CNTN5: variants seen among roughly 807,000 people sequenced by gnomAD.
The protein encoded by CNTN5 is contactin-5.
CNTN5 carries 77 observed loss-of-function variants against 129.1 expected under a neutral mutation model. That is an observed-to-expected ratio of 0.60 (90% CI 0.50 to 0.72). The LOEUF (loss-of-function observed/expected upper bound fraction) is 0.72. Among genes scored for constraint, CNTN5 ranks in the 30% least tolerant of loss-of-function variants. The pLI is 0.00. For synonymous variants in CNTN5, 509 were observed against 465.6 expected, an observed-to-expected ratio of 1.09 and a Z score of -1.20; for missense variants, 1,478 against 1,328.8, an observed-to-expected ratio of 1.11 and a Z score of -1.75.
At chr11:99,598,462 T>C (rs185476513) in intron 3 of CNTN5, among the ~76,000 whole-genome samples, 59 of 133,666 alleles carry the variant, frequency 4.4e-4, no homozygotes, top group African/African-American at 1.6e-3. Context: ...TCCTTCCTTT[T>C]TCCCTTCCTT....
chr11:100,159,912 T>C (rs1003001657), intron 13 of CNTN5, among the ~76,000 whole-genome samples: 7 of 151,918 alleles, frequency 4.6e-5, no homozygotes, highest in African/African-American at 1.7e-4. Context: ...TGCACTCACT[T>C]TATCACAACA....
intron 1 of CNTN5, among the ~76,000 whole-genome samples, chr11:99,277,682 G>C (rs1863504739): frequency 6.6e-6 from 1 of 151,580 alleles, no homozygotes; most frequent in South Asian, 2.1e-4. Context: ...TAGTCAAAGA[G>C]GAAATCCTGT....
At chr11:99,889,413 C>G (rs117585660) in intron 6 of CNTN5, among the ~76,000 whole-genome samples, 2,239 of 148,940 alleles carry the variant, frequency 0.015, 32 homozygotes, top group Non-Finnish European at 0.024. Context: ...AAGTAAAATA[C>G]AGTATTCTAT....
intron 1 of CNTN5, among the ~76,000 whole-genome samples, chr11:99,175,816 A>C (rs1432899622): frequency 6.6e-6 from 1 of 152,106 alleles, no homozygotes; most frequent in African/African-American, 2.4e-5. Flanking sequence ...GAGATAACCT[A>C]GGAGAACTGC....
At chr11:99,651,012 G>T (rs532662031) in intron 3 of CNTN5, among the ~76,000 whole-genome samples, 1 of 152,008 alleles carries the variant, frequency 6.6e-6, no homozygotes, top group South Asian at 2.1e-4. Context: ...AAGAGAAATT[G>T]TCTCATCGTT....
At chr11:99,300,292 C>G (rs963200794) in intron 1 of CNTN5, among the ~76,000 whole-genome samples, 7 of 151,960 alleles carry the variant, frequency 4.6e-5, no homozygotes, top group Non-Finnish European at 8.8e-5. Context: ...AAATACGTTT[C>G]TTCTCATGCC....
intron 21 of CNTN5, among the ~76,000 whole-genome samples, chr11:100,313,700 G>A (rs1159097911): frequency 6.6e-6 from 1 of 152,008 alleles, no homozygotes; most frequent in Non-Finnish European, 1.5e-5. Flanking sequence ...AAAATTTCAA[G>A]AGAAGAGGAG....
intron 8 of CNTN5, among the ~76,000 whole-genome samples, chr11:99,973,922 C>T (rs1018383971): frequency 1.4e-4 from 22 of 152,142 alleles, no homozygotes; most frequent in African/African-American, 5.3e-4. Context: ...CTCATATATT[C>T]AAATGAGTGT....
chr11:99,968,772 A>G (rs11222093), intron 8 of CNTN5, among the ~76,000 whole-genome samples: 24,967 of 146,750 alleles, frequency 0.17, 2,158 homozygotes, highest in Middle Eastern at 0.24. Context: ...ATCTTGGTTC[A>G]GAATTTTCAA....
At chr11:99,483,376 T>C (rs575484686) in intron 2 of CNTN5, among the ~76,000 whole-genome samples, 149 of 152,136 alleles carry the variant, frequency 9.8e-4, no homozygotes, top group Non-Finnish European at 1.8e-3. Flanking sequence ...GTGTCAACAA[T>C]GTGTTTACTG....
intron 3 of CNTN5, among the ~76,000 whole-genome samples, chr11:99,559,143 T>C (rs1235290915): frequency 6.6e-6 from 1 of 152,110 alleles, no homozygotes; most frequent in Non-Finnish European, 1.5e-5. Context: ...TGGTTATTGC[T>C]TTTAGCTGTA....
intron 1 of CNTN5, among the ~76,000 whole-genome samples, chr11:99,031,040 G>T (rs1376059287): frequency 1.3e-5 from 2 of 150,886 alleles, no homozygotes; most frequent in Non-Finnish European, 2.9e-5. Context: ...CTCGTGATCC[G>T]CCCGTCTCGG....
chr11:99,479,637 C>T (rs1945512895), intron 2 of CNTN5, among the ~76,000 whole-genome samples: 1 of 151,896 alleles, frequency 6.6e-6, no homozygotes, highest in African/African-American at 2.4e-5. Flanking sequence ...GCTAAAATAC[C>T]ACTTTTAATG....
chr11:99,269,492 T>A (rs181022211), intron 1 of CNTN5, among the ~76,000 whole-genome samples: 91 of 151,990 alleles, frequency 6.0e-4, no homozygotes, highest in African/African-American at 2.1e-3. Context: ...CCAGTTTTTA[T>A]TCTAAACAGG....
At chr11:99,127,773 A>T (rs564294239) in intron 1 of CNTN5, among the ~76,000 whole-genome samples, 2 of 152,238 alleles carry the variant, frequency 1.3e-5, no homozygotes, top group African/African-American at 2.4e-5. Flanking sequence ...CTTACAAAGC[A>T]TTCCTTGACC....
At chr11:100,141,180 A>G (rs1043185558) in intron 13 of CNTN5, among the ~76,000 whole-genome samples, 1 of 152,124 alleles carries the variant, frequency 6.6e-6, no homozygotes, top group Non-Finnish European at 1.5e-5. Flanking sequence ...TCGGAGTCTA[A>G]AAAGGCAATA....
intron 1 of CNTN5, among the ~76,000 whole-genome samples, chr11:99,200,370 G>C (rs900514454): frequency 2.0e-5 from 3 of 152,102 alleles, no homozygotes; most frequent in Non-Finnish European, 4.4e-5. Flanking sequence ...TCATTCACAT[G>C]ATCTTTTCGT....
chr11:99,212,591 T>G (rs67583350), intron 1 of CNTN5, among the ~76,000 whole-genome samples: 31,090 of 152,026 alleles, frequency 0.2, 3,263 homozygotes, highest in South Asian at 0.24. Context: ...TAAACGGACC[T>G]CCCATCTTCT....
chr11:99,143,040 G>T (rs961088487), intron 1 of CNTN5, among the ~76,000 whole-genome samples: 2 of 152,034 alleles, frequency 1.3e-5, no homozygotes, highest in Non-Finnish European at 2.9e-5. Flanking sequence ...CCTAAGATCT[G>T]CTGGTAATGT....
Sources: allele counts gnomAD v4.1 joint callset (sites outside exome capture counted in the v4.1 genomes callset), GRCh38; gene constraint gnomAD v4.1.1; transcripts MANE v1.5; gene names NCBI Gene and HGNC (gene_info 2026-07-23, HGNC 2026-07-21).